The following CENPV variants were observed in gnomAD, a reference collection of about 807,000 sequenced individuals.
CENPV encodes the protein centromere protein V.
In CENPV, 15 loss-of-function variants were observed where a neutral mutation model predicts 26.4. The observed-to-expected ratio is 0.57, with a 90% CI of 0.38 to 0.88. The LOEUF (loss-of-function observed/expected upper bound fraction) is 0.88, where lower values mean the gene tolerates loss of function less well. Among genes scored for constraint, CENPV ranks in the 40% least tolerant of loss-of-function variants. The pLI, the probability that CENPV is intolerant of heterozygous loss-of-function variation, is 0.00. For missense variants in CENPV, 336 were observed against 376.5 expected (o/e 0.89, Z 0.89); for synonymous variants, 172 against 165.5 (o/e 1.04, Z -0.30).
At chr17:16,344,103 C>T (rs2093194553) in intron 4 of CENPV, among the ~76,000 whole-genome samples, 1 of 152,130 alleles carries the variant, frequency 6.6e-6, no homozygotes, top group African/African-American at 2.4e-5. Flanking sequence ...CCACCTTGGC[C>T]TCCCAAAGTG....
intron 3 of CENPV, 58 bp from the exon 4 acceptor site, chr17:16,344,769 T>A (rs9907546): frequency 0.51 from 471,184 of 932,308 alleles, 119,416 homozygotes; most frequent in Middle Eastern, 0.57. Context: ...TTATTTAATT[T>A]ATTTATTTAT....
chr17:16,353,278 C>T lies in CENPV; in HGVS notation c.159G>A (p.Val53=). 7.0e-7 allele frequency: 1 copy of T among 1,421,354 alleles called. No individual in the cohort carries two copies. The highest frequency in any genetic ancestry group is 9.2e-7 in the Non-Finnish European group (1 of 1,087,800). The allele number at this position is 1,421,354 out of a possible 1,614,324, so 88.0% of individuals were successfully genotyped here. A position where few individuals can be genotyped will look rare whatever the true frequency, so the allele number is the denominator to read the frequency against. ...ASQAGSKSQA[V]EKPPSEKPRL... is the part of the protein sequence containing the mutation. ...GCGGCTTCTCCGACGGCGGCTTCTCCACCGCCTGGCTCTTGCTCCCGGCCT... is the reference window on the plus strand; with the variant it reads ...GCGGCTTCTCCGACGGCGGCTTCTCTACCGCCTGGCTCTTGCTCCCGGCCT... The change falls in exon 1 of 5, where the codon GTG becomes GTA. Residue 53 remains valine (V), a synonymous_variant. Coordinates refer to ENST00000299736, the MANE Select transcript of CENPV (RefSeq NM_181716.3).
At chr17:16,346,638 C>G (rs76311684) in intron 3 of CENPV, among the ~76,000 whole-genome samples, 1 of 151,954 alleles carries the variant, frequency 6.6e-6, no homozygotes, top group Non-Finnish European at 1.5e-5. Context: ...GTAGTCCCAG[C>G]TACTCAGGAG....
intron 2 of CENPV, chr17:16,348,941 G>A: frequency 8.1e-7 from 1 of 1,235,908 alleles, no homozygotes; most frequent in Non-Finnish European, 1.0e-6. Context: ...GGTCTGTACT[G>A]CCCACCCCTC....
At chr17:16,345,583 C>T (rs140209145) in intron 3 of CENPV, among the ~76,000 whole-genome samples, 8 of 152,054 alleles carry the variant, frequency 5.3e-5, no homozygotes, top group African/African-American at 1.9e-4. Context: ...TTCTGTAGGG[C>T]TCTTTGTACT....
In CENPV at chr17:16,353,382, C is replaced by T. The variant is rs2093235919; in HGVS notation, c.55G>A (p.Gly19Arg). The change falls in exon 1 of 5, where the codon GGG (glycine) becomes AGG (arginine). Residue 19 changes from glycine (G) to arginine (R), a missense_variant. Gly to Arg is a moderately radical substitution (Grantham distance 125). Around this residue, in one of 2 missense-constraint regions of CENPV, gnomAD observed 181 missense variants for 148.8 expected, o/e 1.22. Coordinates refer to ENST00000299736, the MANE Select transcript of CENPV (RefSeq NM_181716.3). ...AAKLRGQKRS[G>R]ASAAPAASAA... ...GAGGCCGCGGGGGCCGCGGAGGCCC[C>T]GGACCGCTTCTGCCCGCGCAGCTTG... The T allele has an allele frequency of 2.4e-6, 3 of 1,224,734 alleles. No individual in the cohort carries two copies. The highest frequency in any genetic ancestry group is 1.6e-5 in the African/African-American group (1 of 62,742). 75.9% of individuals were successfully genotyped at this position (1,224,734 alleles called of 1,614,324 possible).
Position 16,353,378 on chromosome 17 carries a change from G to T in CENPV, c.59C>A (p.Ala20Asp), listed in dbSNP as rs1600912376. The stretch of plus-strand genomic sequence containing the variant: ...CGCGGAGGCCGCGGGGGCCGCGGAG[G>T]CCCCGGACCGCTTCTGCCCGCGCAG... Reference protein sequence around the residue: ...AKLRGQKRSGASAAPAASAAA... With the variant: ...AKLRGQKRSGDSAAPAASAAA... The change falls in exon 1 of 5, where the codon GCC (alanine) becomes GAC (aspartate). Residue 20 changes from alanine (A) to aspartate (D), a missense_variant. Around this residue, in one of 2 missense-constraint regions of CENPV, gnomAD observed 181 missense variants for 148.8 expected, o/e 1.22. Coordinates refer to ENST00000299736, the MANE Select transcript of CENPV (RefSeq NM_181716.3). The T allele has an allele frequency of 3.3e-6, 4 of 1,226,208 alleles. No individual in the cohort carries two copies. The highest frequency in any genetic ancestry group is 4.1e-6 in the Non-Finnish European group (4 of 987,108). The allele number at this position is 1,226,208 out of a possible 1,614,324, so 76.0% of individuals were successfully genotyped here.
At chr17:16,351,887 C>T (rs1028946840) in intron 1 of CENPV, 1 of 152,086 alleles carries the variant, frequency 6.6e-6, no homozygotes, top group Non-Finnish European at 1.5e-5. Context: ...TTCCTTCTGC[C>T]CAGAGGCAGC....
intron 3 of CENPV, chr17:16,347,630 A>C (rs2093212663): frequency 6.6e-6 from 1 of 152,168 alleles, no homozygotes; most frequent in Admixed American, 6.6e-5. Context: ...CTAAATTGTC[A>C]AAAATGTATA....
At chr17:16,345,276 A>C (rs2093201391) in intron 3 of CENPV, among the ~76,000 whole-genome samples, 2 of 148,552 alleles carry the variant, frequency 1.3e-5, no homozygotes, top group African/African-American at 2.5e-5. Flanking sequence ...AAAAAAAAAA[A>C]AAAAACACCT....
rs2093236350 is a variant in CENPV at position 16,353,459 on chromosome 17, G to A, written c.-23C>T. 3.7e-6 allele frequency: 4 copies of A among 1,083,508 alleles called. No individual in the cohort carries two copies. The highest frequency in any genetic ancestry group is 1.7e-5 in the African/African-American group (1 of 59,062). The allele number at this position is 1,083,508 out of a possible 1,614,324, so 67.1% of individuals were successfully genotyped here. ...CATGGCTCCCGCAGCCTGGCGCGCA[G>A]GCCTCGCAGCGCGGCGCGCCCCCGC... On this transcript the variant is annotated 5_prime_UTR_variant, in exon 1 of 5. Coordinates refer to ENST00000299736, the MANE Select transcript of CENPV (RefSeq NM_181716.3).
At chr17:16,352,560 C>T (rs2093232787) in intron 1 of CENPV, among the ~76,000 whole-genome samples, 2 of 152,154 alleles carry the variant, frequency 1.3e-5, no homozygotes, top group African/African-American at 2.4e-5. Context: ...ACTATTCATG[C>T]TTCCTTCAAC....
chr17:16,346,891 T>C (rs1207117826), intron 3 of CENPV, among the ~76,000 whole-genome samples: 4 of 151,870 alleles, frequency 2.6e-5, no homozygotes, highest in African/African-American at 4.8e-5. Context: ...CACTCTGTTA[T>C]CCAGGCTGGA....
At chr17:16,349,315 T>C (rs555161237) in intron 2 of CENPV, 1 of 986,036 alleles carries the variant, frequency 1.0e-6, no homozygotes, top group Non-Finnish European at 1.2e-6. Context: ...TGCTTATTAT[T>C]CATATATAAT....
intron 4 of CENPV, 31 bp from the exon 5 acceptor site, chr17:16,342,972 T>A: frequency 6.2e-7 from 1 of 1,613,780 alleles, no homozygotes; most frequent in South Asian, 1.1e-5. Context: ...CAAAGGGGGA[T>A]CCTCAGTATG....
intron 2 of CENPV, chr17:16,349,487 C>G (rs545872037): frequency 1.0e-6 from 1 of 986,774 alleles, no homozygotes; most frequent in Non-Finnish European, 1.2e-6. Flanking sequence ...CTGCCTCAAC[C>G]GAAGAGCAGA....
At chr17:16,350,110 GA>G in intron 1 of CENPV, 81 bp from the exon 2 acceptor site, 1 of 1,533,100 alleles carries the variant, frequency 6.5e-7, no homozygotes. Flanking sequence ...AAGAAAGACA[GA>G]AGATTAGACA....
chr17:16,347,466 TAA>T (rs2093211822), intron 3 of CENPV: 1 of 152,060 alleles, frequency 6.6e-6, no homozygotes, highest in Admixed American at 6.6e-5. Context: ...CATAATGTGC[TAA>T]AAGTCTTTTT....
chr17:16,344,427 G>T, intron 4 of CENPV, 170 bp downstream of exon 4: 1 of 377,308 alleles, frequency 2.7e-6, no homozygotes. Context: ...ACCGGAGCCC[G>T]ACTCACATTC....
Sources: allele counts gnomAD v4.1 joint callset (sites outside exome capture counted in the v4.1 genomes callset), GRCh38; gene constraint gnomAD v4.1.1; regional missense constraint gnomAD v4.1.1; transcripts MANE v1.5; gene names NCBI Gene and HGNC (gene_info 2026-07-23, HGNC 2026-07-21).